Variants in WWTR1 observed in about 807,000 individuals in gnomAD.
WWTR1 encodes the protein WW domain containing transcription regulator 1.
WWTR1 carries 13 observed loss-of-function variants against 40.1 expected under a neutral mutation model. That is an observed-to-expected ratio of 0.32 (90% CI 0.21 to 0.52). WWTR1 has a LOEUF of 0.52. Among genes scored for constraint, WWTR1 ranks in the 20% least tolerant of loss-of-function variants. WWTR1 has a pLI of 0.97. For missense variants in WWTR1, 436 were observed against 523.1 expected (o/e 0.83, Z 1.63); for synonymous variants, 230 against 210.1 (o/e 1.09, Z -0.82).
chr3:149,680,233 G>A (rs1017964610), intron 1 of WWTR1, among the ~76,000 whole-genome samples: 1 of 152,168 alleles, frequency 6.6e-6, no homozygotes, highest in Non-Finnish European at 1.5e-5. Context: ...AATATCAAAT[G>A]AGGGTATATA....
intron 4 of WWTR1, among the ~76,000 whole-genome samples, chr3:149,720,931 G>A (rs1170583879): frequency 1.3e-5 from 2 of 152,040 alleles, no homozygotes; most frequent in South Asian, 2.1e-4. Flanking sequence ...TATTGTTTGT[G>A]TATATAAATG....
At chr3:149,724,505 A>G (rs1715828841) in intron 3 of WWTR1, among the ~76,000 whole-genome samples, 1 of 151,940 alleles carries the variant, frequency 6.6e-6, no homozygotes, top group Admixed American at 6.6e-5. Flanking sequence ...TCCTTAAAAA[A>G]AAAAAAAGGC....
At chr3:149,539,147 G>A (rs1328614652) in intron 4 of WWTR1, among the ~76,000 whole-genome samples, 1 of 152,194 alleles carries the variant, frequency 6.6e-6, no homozygotes, top group Non-Finnish European at 1.5e-5. Flanking sequence ...GGACCAAGGA[G>A]TTGTTTTTTT....
intron 6 of WWTR1, among the ~76,000 whole-genome samples, chr3:149,524,187 C>G (rs1222978711): frequency 5.9e-5 from 9 of 152,212 alleles, no homozygotes; most frequent in Admixed American, 5.9e-4. Flanking sequence ...GGATTCAAAT[C>G]AGGCTGCCTG....
intron 3 of WWTR1, among the ~76,000 whole-genome samples, chr3:149,549,933 A>C (rs201116277): frequency 2.0e-5 from 3 of 152,210 alleles, no homozygotes; most frequent in African/African-American, 7.2e-5. Flanking sequence ...TATTAGATAA[A>C]AACTAAAGAA....
At chr3:149,557,980 G>A (rs1736908232) in intron 3 of WWTR1, among the ~76,000 whole-genome samples, 1 of 149,170 alleles carries the variant, frequency 6.7e-6, no homozygotes, top group Non-Finnish European at 1.5e-5. Flanking sequence ...TCCAACCTGG[G>A]TGACAGAGCA....
intron 1 of WWTR1, among the ~76,000 whole-genome samples, chr3:149,693,870 C>G (rs369888838): frequency 2.0e-4 from 31 of 152,060 alleles, no homozygotes; most frequent in East Asian, 7.7e-4. Context: ...ATATAAAAAT[C>G]AAATATAAAT....
chr3:149,532,450 A>C (rs1484113635), intron 4 of WWTR1, among the ~76,000 whole-genome samples: 1 of 152,330 alleles, frequency 6.6e-6, no homozygotes, highest in African/African-American at 2.4e-5. Context: ...AAACAAGGAG[A>C]GGTTTATAAA....
chr3:149,605,037 C>G (rs1739421923), intron 2 of WWTR1, among the ~76,000 whole-genome samples: 1 of 152,146 alleles, frequency 6.6e-6, no homozygotes, highest in Admixed American at 6.5e-5. Context: ...ATTGAGAAAA[C>G]AAGTAATTTA....
intron 2 of WWTR1, among the ~76,000 whole-genome samples, chr3:149,617,711 A>G (rs554873276): frequency 4.7e-4 from 72 of 152,298 alleles, no homozygotes; most frequent in African/African-American, 1.7e-3. Flanking sequence ...GAGGCAGGAG[A>G]ATCACTTGAA....
chr3:149,585,121 C>CGTGTGTGTGT (rs61655468), intron 2 of WWTR1, among the ~76,000 whole-genome samples: 8,442 of 144,314 alleles, frequency 0.058, 293 homozygotes, highest in East Asian at 0.082. Flanking sequence ...TGATTTCTTT[C>CGTGTGTGTGT]GTGTGTGTGT....
At chr3:149,524,021 C>G (rs1735176695) in intron 6 of WWTR1, among the ~76,000 whole-genome samples, 1 of 152,220 alleles carries the variant, frequency 6.6e-6, no homozygotes, top group Admixed American at 6.5e-5. Context: ...CATCAGTCTT[C>G]TTACTGGAGA....
At chr3:149,537,440 A>G (rs1735888383) in intron 4 of WWTR1, among the ~76,000 whole-genome samples, 1 of 152,224 alleles carries the variant, frequency 6.6e-6, no homozygotes, top group African/African-American at 2.4e-5. Flanking sequence ...CTAGAAAGAA[A>G]TCATCAGCAT....
At chr3:149,648,362 A>G (rs1284093798) in intron 2 of WWTR1, among the ~76,000 whole-genome samples, 1 of 152,210 alleles carries the variant, frequency 6.6e-6, no homozygotes, top group Non-Finnish European at 1.5e-5. Flanking sequence ...AAGTTAAGCA[A>G]TGCCAAGCAA....
chr3:149,545,316 C>T (rs965381477), intron 3 of WWTR1, among the ~76,000 whole-genome samples: 11 of 152,060 alleles, frequency 7.2e-5, no homozygotes, highest in African/African-American at 2.4e-4. Flanking sequence ...GGAAGAGAGG[C>T]GCAGATGGAA....
intron 5 of WWTR1, among the ~76,000 whole-genome samples, chr3:149,711,161 T>TA (rs1237527926): frequency 0.43 from 48,976 of 114,434 alleles, 9,420 homozygotes; most frequent in African/African-American, 0.52. Context: ...ACACACTTGC[T>TA]AAAAAAAAAA....
intron 1 of WWTR1, among the ~76,000 whole-genome samples, chr3:149,696,100 G>A (rs1409906977): frequency 1.7e-3 from 180 of 107,506 alleles, no homozygotes; most frequent in African/African-American, 6.4e-3. Context: ...GCGACAGAGC[G>A]AGACTCTGTC....
chr3:149,612,037 G>A (rs1739758200), intron 2 of WWTR1, among the ~76,000 whole-genome samples: 1 of 152,088 alleles, frequency 6.6e-6, no homozygotes, highest in Non-Finnish European at 1.5e-5. Context: ...ATGGCGTCAG[G>A]GGCAAGAGAC....
chr3:149,684,785 A>G (rs1714585753), intron 1 of WWTR1, among the ~76,000 whole-genome samples: 1 of 151,906 alleles, frequency 6.6e-6, no homozygotes, highest in African/African-American at 2.4e-5. Flanking sequence ...GCTGCTTTCG[A>G]ACTCCTGGGC....
Sources: gnomAD v4.1 joint callset for allele counts (sites outside exome capture counted in the v4.1 genomes callset) on GRCh38, gnomAD v4.1.1 for gene constraint, MANE v1.5 for transcripts, NCBI Gene and HGNC (gene_info 2026-07-23, HGNC 2026-07-21) for gene names.